Variants in FBP1 observed in about 807,000 individuals in gnomAD.
FBP1 encodes the protein fructose-1,6-bisphosphatase 1.
Under a neutral mutation model 29.9 loss-of-function variants are expected in FBP1, and 22 were observed. That is an observed-to-expected ratio of 0.74 (90% CI 0.53 to 1.05). FBP1 has a LOEUF of 1.05. Among genes scored for constraint, FBP1 ranks in the 50% least tolerant of loss-of-function variants. The pLI is 0.00. For missense variants in FBP1, 345 were observed against 448.2 expected (o/e 0.77, Z 2.08); for synonymous variants, 175 against 178.6 (o/e 0.98, Z 0.16).
chr9:94,609,806 G>C (rs1018234729), intron 4 of FBP1, 115 bp downstream of exon 4: 24 of 1,149,856 alleles, frequency 2.1e-5, no homozygotes, highest in African/African-American at 4.5e-5. Flanking sequence ...CATCATCTCT[G>C]TCCCTCCATG....
intron 3 of FBP1, among the ~76,000 whole-genome samples, chr9:94,616,710 G>C (rs766582147): frequency 6.6e-5 from 10 of 152,100 alleles, no homozygotes; most frequent in Non-Finnish European, 1.3e-4. Flanking sequence ...GGGATTACAG[G>C]CGTGAGCCAC....
rs139264724 is a variant in FBP1, at chr9:94,609,993, G to T, written c.495C>A (p.Tyr165Ter). The T allele has an allele frequency of 6.2e-7, 1 of 1,614,048 alleles. No individual in the cohort carries two copies. The highest frequency in any genetic ancestry group is 8.5e-7 in the Non-Finnish European group (1 of 1,179,860). Residue 165 changes from tyrosine (Y) to a stop codon, truncating the protein, a stop_gained, in exon 4 of 7, where the codon TAC (tyrosine) becomes TAA (stop). Coordinates refer to ENST00000375326, the MANE Select transcript of FBP1 (RefSeq NM_000507.4). LOFTEE classifies it high-confidence loss of function. ...QPGRNLVAAG[Y>*]ALYGSATMLV... ...GCATGGTGGCACTGCCATACAGTGC[G>T]TAGCCGGCTGCCACCAGGTTCCGGC... is the stretch of plus-strand genomic sequence containing the variant.
Position 94,639,275 on chromosome 9 carries a change from G to A in FBP1, c.36C>T (p.Asn12=). ...CCTCCATGACGAAGCGGGTCAGGGT[G>A]TTGACGTCCGTGTCGAAGGGCGCCT... is the stretch of plus-strand genomic sequence containing the variant. ...ADQAPFDTDV[N]TLTRFVMEEG... Residue 12 remains asparagine, a synonymous_variant, in exon 1 of 7, where the codon AAC becomes AAT. Transcript: ENST00000375326. The A allele has an allele frequency of 6.2e-7, 1 of 1,607,100 alleles. No homozygotes were observed. The highest frequency in any genetic ancestry group is 8.5e-7 in the Non-Finnish European group (1 of 1,176,970).
chr9:94,631,949 C>T (rs548993683), intron 1 of FBP1, among the ~76,000 whole-genome samples: 1 of 152,154 alleles, frequency 6.6e-6, no homozygotes, highest in South Asian at 2.1e-4. Context: ...AACTGGTAAA[C>T]AGGATGGAAC....
At chr9:94,603,849 G>A (rs190168204) in intron 6 of FBP1, 40 of 467,646 alleles carry the variant, frequency 8.6e-5, no homozygotes, top group African/African-American at 7.7e-4. Flanking sequence ...ATACTGGACA[G>A]AATGACATTT....
chr9:94,610,492 C>A (rs2131477399), intron 3 of FBP1, among the ~76,000 whole-genome samples: 1 of 152,374 alleles, frequency 6.6e-6, no homozygotes, highest in South Asian at 2.1e-4. Flanking sequence ...TTTGTGAGCT[C>A]TTGCCGCTGC....
At chr9:94,622,512 G>A (rs999130188) in intron 1 of FBP1, among the ~76,000 whole-genome samples, 23 of 152,198 alleles carry the variant, frequency 1.5e-4, no homozygotes, top group African/African-American at 5.3e-4. Flanking sequence ...GCAAAACTGA[G>A]CCCCTCCTAG....
intron 1 of FBP1, 38 bp downstream of exon 1, chr9:94,639,103 C>A: frequency 1.3e-6 from 2 of 1,564,164 alleles, no homozygotes; most frequent in Non-Finnish European, 8.6e-7. Flanking sequence ...CCCAGGCAGA[C>A]AGACAGGACG....
At chr9:94,619,416 G>GT (rs907676693) in intron 2 of FBP1, among the ~76,000 whole-genome samples, 31 of 151,574 alleles carry the variant, frequency 2.0e-4, no homozygotes, top group African/African-American at 5.8e-4. Context: ...AATCTCAGAA[G>GT]TTTTTTTTTC....
intron 1 of FBP1, among the ~76,000 whole-genome samples, chr9:94,634,067 G>A (rs1195395186): frequency 6.6e-6 from 1 of 150,846 alleles, no homozygotes; most frequent in African/African-American, 2.4e-5. Flanking sequence ...GCCGGGGCGG[G>A]CAGATCACCT....
In FBP1 at chr9:94,617,788, T is replaced by C. The variant is rs780067215; in HGVS notation, c.406A>G (p.Ile136Val). The part of the protein sequence containing the change: ...NIDCLVSVGT[I>V]FGIYRKKSTD... Reference sequence around the variant, plus strand: ...TTTACCTTTCTATAGATGCCAAAAATGGTTCCAACGGACACAAGGCAATCG... The same window carrying C: ...TTTACCTTTCTATAGATGCCAAAAACGGTTCCAACGGACACAAGGCAATCG... Residue 136 changes from isoleucine to valine, a missense_variant, in exon 3 of 7, where the codon ATT (isoleucine) becomes GTT (valine). Coordinates refer to ENST00000375326, the MANE Select transcript of FBP1 (RefSeq NM_000507.4). The C allele has an allele frequency of 1.1e-5, 18 of 1,613,396 alleles. No homozygotes were observed. In the South Asian group the frequency reaches 1.9e-4, roughly 17 times the overall value.
intron 2 of FBP1, 40 bp downstream of exon 2, chr9:94,620,289 G>A (rs376636755): frequency 1.4e-5 from 22 of 1,605,664 alleles, no homozygotes; most frequent in African/African-American, 1.1e-4. Context: ...GAAGAAGACC[G>A]GCTACATTAA....
At chr9:94,620,268 T>C in intron 2 of FBP1, 61 bp downstream of exon 2, 2 of 1,570,170 alleles carry the variant, frequency 1.3e-6, no homozygotes, top group Non-Finnish European at 1.8e-6. Context: ...TGGAGTCAAT[T>C]ATGAAGCTGG....
At chr9:94,633,538 T>C (rs1206052003) in intron 1 of FBP1, among the ~76,000 whole-genome samples, 4 of 152,090 alleles carry the variant, frequency 2.6e-5, no homozygotes, top group African/African-American at 9.7e-5. Context: ...TCAAATTGAG[T>C]GGGCAACTTT....
At chr9:94,614,995 G>A (rs1042198226) in intron 3 of FBP1, among the ~76,000 whole-genome samples, 3 of 151,970 alleles carry the variant, frequency 2.0e-5, no homozygotes, top group South Asian at 2.1e-4. Context: ...TGCAAGCTCC[G>A]CCTCCCAGGT....
chr9:94,609,947 C>T lies in FBP1; in HGVS notation c.541G>A (p.Gly181Arg), dbSNP rs1372801499. The change falls in exon 4 of 7, where the codon GGG becomes AGG. Residue 181 changes from glycine to arginine, a missense_variant. By Grantham distance (125) the Gly-to-Arg change is moderately radical. Transcript: ENST00000375326. ...GGGTCCAGCATGAAGCAGTTGACCC[C>T]ACAGTCCATGGCAAGGACCAGCATG... ...ATMLVLAMDC[G>R]VNCFMLDPAI... is the part of the protein sequence containing the mutation. 1.9e-6 allele frequency: 3 copies of T among 1,614,204 alleles called. No individual in the cohort carries two copies. The highest frequency in any genetic ancestry group is 2.5e-6 in the Non-Finnish European group (3 of 1,180,042).
chr9:94,633,852 C>A (rs1035342559), intron 1 of FBP1, among the ~76,000 whole-genome samples: 5 of 151,686 alleles, frequency 3.3e-5, no homozygotes, highest in African/African-American at 1.2e-4. Context: ...TTACAGGCGC[C>A]CGCCACCACG....
chr9:94,631,930 C>G (rs1356542943), intron 1 of FBP1, among the ~76,000 whole-genome samples: 1 of 151,950 alleles, frequency 6.6e-6, no homozygotes, highest in Non-Finnish European at 1.5e-5. Context: ...TTGCATTCAC[C>G]GGGGCCTAAA....
At chr9:94,619,839 A>C (rs1421581852) in intron 2 of FBP1, among the ~76,000 whole-genome samples, 1 of 147,944 alleles carries the variant, frequency 6.8e-6, no homozygotes, top group African/African-American at 2.6e-5. Context: ...ACACCACTGT[A>C]CACCAGACTG....
Sources: allele counts gnomAD v4.1 joint callset (sites outside exome capture counted in the v4.1 genomes callset), GRCh38; gene constraint gnomAD v4.1.1; transcripts MANE v1.5; gene names NCBI Gene and HGNC (gene_info 2026-07-23, HGNC 2026-07-21).